The following SND1 variants were observed in gnomAD, a reference collection of about 807,000 sequenced individuals.
SND1 encodes the protein staphylococcal nuclease and tudor domain containing 1.
A neutral mutation model predicts 121.7 loss-of-function variants in SND1; 38 were observed. The ratio of observed to expected loss-of-function variants is 0.31; its 90% CI spans 0.24 to 0.41. The LOEUF is 0.41. SND1 is among the 10% of genes least tolerant of loss of function. SND1 has a pLI of 1.00. For missense variants in SND1, 868 were observed against 1,184.6 expected, an observed-to-expected ratio of 0.73 and a Z score of 3.92; for synonymous variants, 401 against 447.4, an observed-to-expected ratio of 0.90 and a Z score of 1.31.
rs151179120 is a variant in SND1 at position 128,028,925 on chromosome 7, G to C, written c.1779+37869G>C. On this transcript the variant is annotated intron_variant, in intron 16 of 23. Transcript: ENST00000354725. ...CGGATGTTGCTGCTGGGATGTCTTCGTCCACCTGGATTATCTCAACAGTCC... is the reference window on the plus strand; with the variant it reads ...CGGATGTTGCTGCTGGGATGTCTTCCTCCACCTGGATTATCTCAACAGTCC... The C allele has an allele frequency of 3.5e-4, 571 of 1,611,000 alleles. No individual in the cohort carries two copies. The highest frequency in any genetic ancestry group is 2.3e-3 in the Middle Eastern group (14 of 6,058).
At chr7:128,063,954 G>C (rs539395342) in intron 16 of SND1, among the ~76,000 whole-genome samples, 24 of 152,214 alleles carry the variant, frequency 1.6e-4, no homozygotes, top group Non-Finnish European at 3.1e-4. Context: ...GCTCTGAGGC[G>C]CTTATTCTGT....
chr7:127,936,398 G>A (rs1412554360), intron 15 of SND1, among the ~76,000 whole-genome samples: 1 of 152,122 alleles, frequency 6.6e-6, no homozygotes, highest in Non-Finnish European at 1.5e-5. Flanking sequence ...TTCCATGAGA[G>A]CAAAAGTGGT....
intron 16 of SND1, among the ~76,000 whole-genome samples, chr7:128,043,766 A>G (rs1169284040): frequency 1.3e-5 from 2 of 151,328 alleles, no homozygotes; most frequent in African/African-American, 4.9e-5. Flanking sequence ...ATATCTTTAT[A>G]TATGTATTTA....
intron 11 of SND1, among the ~76,000 whole-genome samples, chr7:127,824,702 C>CT (rs912269761): frequency 1.5e-3 from 225 of 149,326 alleles, no homozygotes; most frequent in Middle Eastern, 6.8e-3. Context: ...CTCATGCATT[C>CT]TTTTTTTTTT....
At chr7:127,752,131 G>A (rs1335748342) in intron 10 of SND1, among the ~76,000 whole-genome samples, 1 of 152,158 alleles carries the variant, frequency 6.6e-6, no homozygotes, top group Non-Finnish European at 1.5e-5. Context: ...TCACATCCTA[G>A]GATATTGTCT....
intron 14 of SND1, among the ~76,000 whole-genome samples, chr7:127,917,032 G>A (rs1800594033): frequency 6.6e-6 from 1 of 152,204 alleles, no homozygotes; most frequent in Non-Finnish European, 1.5e-5. Context: ...ACAATGATGT[G>A]AGATCCTTAA....
chr7:127,940,679 C>T (rs1015619237), intron 15 of SND1, among the ~76,000 whole-genome samples: 2 of 152,216 alleles, frequency 1.3e-5, no homozygotes, highest in East Asian at 1.9e-4. Flanking sequence ...AAGCTGTTTG[C>T]CCCCTTCCCC....
At chr7:127,981,839 C>G (rs1395813029) in intron 15 of SND1, among the ~76,000 whole-genome samples, 1 of 152,200 alleles carries the variant, frequency 6.6e-6, no homozygotes, top group Non-Finnish European at 1.5e-5. Context: ...CACACACTCA[C>G]CTTTAAGTCC....
chr7:127,778,676 A>G (rs928832560), intron 10 of SND1, among the ~76,000 whole-genome samples: 5 of 152,128 alleles, frequency 3.3e-5, no homozygotes, highest in Non-Finnish European at 7.3e-5. Context: ...AAACGGTAAT[A>G]TTGTTGAATT....
At chr7:127,687,281 A>G (rs1381481235) in intron 2 of SND1, 2 of 152,278 alleles carry the variant, frequency 1.3e-5, no homozygotes, top group Non-Finnish European at 2.9e-5. Flanking sequence ...GTAGCATGCT[A>G]TAAATGCTAG....
intron 16 of SND1, among the ~76,000 whole-genome samples, chr7:128,073,936 G>A (rs762375771): frequency 6.2e-4 from 95 of 152,258 alleles, no homozygotes; most frequent in East Asian, 1.7e-3. Context: ...CTCCTTCTGC[G>A]GGATTGTCAC....
At chr7:128,077,914 C>G (rs56123044) in intron 17 of SND1, among the ~76,000 whole-genome samples, 541 of 152,368 alleles carry the variant, frequency 3.6e-3, no homozygotes, top group Non-Finnish European at 6.3e-3. Context: ...TCTGGGTGTA[C>G]AACTACTGTT....
intron 10 of SND1, among the ~76,000 whole-genome samples, chr7:127,788,294 A>C (rs1797848569): frequency 6.6e-6 from 1 of 152,230 alleles, no homozygotes; most frequent in African/African-American, 2.4e-5. Context: ...TGGAGGCTAC[A>C]GAGATGAATA....
intron 10 of SND1, among the ~76,000 whole-genome samples, chr7:127,727,655 T>C (rs903620847): frequency 2.0e-5 from 3 of 152,148 alleles, no homozygotes; most frequent in Non-Finnish European, 2.9e-5. Context: ...AAGCAAAAGC[T>C]CTTTGAAATG....
intron 11 of SND1, among the ~76,000 whole-genome samples, chr7:127,835,543 G>A (rs1042266368): frequency 6.6e-6 from 1 of 152,086 alleles, no homozygotes; most frequent in Non-Finnish European, 1.5e-5. Context: ...ACAAGGGACA[G>A]TTTCCAGTAG....
At chr7:128,054,152 T>C (rs772770922) in intron 16 of SND1, among the ~76,000 whole-genome samples, 1 of 152,272 alleles carries the variant, frequency 6.6e-6, no homozygotes, top group East Asian at 1.9e-4. Flanking sequence ...GGCGGTGGCA[T>C]GTACACAGGC....
At position 128,052,556 on chromosome 7, in the gene SND1, G is replaced by A. The variant is rs1793065171; in HGVS notation, c.1780-21946G>A. 6.6e-6 allele frequency among the ~76,000 whole-genome samples: 1 copy of A among 152,252 alleles called. No individual in the cohort carries two copies. Among genetic ancestry groups the A allele is most frequent in the South Asian group, 2.1e-4 (1 of 4,836 alleles). ...AGACAGAGCTGTCTTCCAAGTCACGGATGTTGACGAGGCCTGTGTGTGTAT... is the reference window on the plus strand; with the variant it reads ...AGACAGAGCTGTCTTCCAAGTCACGAATGTTGACGAGGCCTGTGTGTGTAT... On this transcript the variant is annotated intron_variant, in intron 16 of 23. Coordinates refer to ENST00000354725, the MANE Select transcript of SND1 (RefSeq NM_014390.4). This position sits in a 1 kb window ranked among gnomAD's most constrained non-coding sequence, Gnocchi z 4.6.
intron 1 of SND1, among the ~76,000 whole-genome samples, chr7:127,675,714 A>G (rs1795603926): frequency 6.6e-6 from 1 of 152,172 alleles, no homozygotes; most frequent in African/African-American, 2.4e-5. Flanking sequence ...TCCTGGAGTC[A>G]GTTAATTTTT....
At chr7:127,939,112 G>A (rs946032951) in intron 15 of SND1, among the ~76,000 whole-genome samples, 4 of 152,208 alleles carry the variant, frequency 2.6e-5, no homozygotes, top group Non-Finnish European at 4.4e-5. Context: ...TGTAACTGCT[G>A]TCAAAAAGGC....
Sources: gnomAD v4.1 joint callset for allele counts (sites outside exome capture counted in the v4.1 genomes callset) on GRCh38, gnomAD v4.1.1 for gene constraint, Gnocchi (gnomAD v3.1) non-coding constraint, MANE v1.5 for transcripts, NCBI Gene and HGNC (gene_info 2026-07-23, HGNC 2026-07-21) for gene names.